The following CRIM1 variants were observed in gnomAD, a reference collection of about 807,000 sequenced individuals.
CRIM1 encodes the protein cysteine rich transmembrane BMP regulator 1.
In CRIM1, 32 loss-of-function variants were observed where a neutral mutation model predicts 116.4. That is an observed-to-expected ratio of 0.27 (90% CI 0.21 to 0.37). The LOEUF is 0.37. Ranked by LOEUF, CRIM1 falls within the 10% of genes least tolerant of loss-of-function variation. CRIM1 has a pLI of 1.00. For missense variants in CRIM1, 1,331 were observed against 1,354.8 expected (o/e 0.98, Z 0.28); for synonymous variants, 590 against 509.2 (o/e 1.16, Z -2.13).
chr2:36,414,264 C>T (rs1673436315), intron 2 of CRIM1, among the ~76,000 whole-genome samples: 1 of 152,172 alleles, frequency 6.6e-6, no homozygotes, highest in African/African-American at 2.4e-5. Flanking sequence ...AAATTAAATG[C>T]AGCTCTCAAA....
chr2:36,445,505 T>C lies in CRIM1; in HGVS notation c.869+2770T>C, dbSNP rs1248438552. 3.9e-5 allele frequency among the ~76,000 whole-genome samples: 6 copies of C among 152,364 alleles called. No homozygotes were observed. The East Asian group carries it at 9.6e-4, about 24-fold the overall frequency. On this transcript the variant is annotated intron_variant, in intron 4 of 16. Coordinates refer to ENST00000280527, the MANE Select transcript of CRIM1 (RefSeq NM_016441.3). Reference sequence around the variant, plus strand: ...CCTTTCCTATGCTGTCAGTTAATTATCGACTTTCATACATTGTTACTGAAT... The same window carrying C: ...CCTTTCCTATGCTGTCAGTTAATTACCGACTTTCATACATTGTTACTGAAT...
rs1667619271 is a variant in CRIM1 at position 36,549,795 on chromosome 2, CTT to C, written c.*1095_*1096del. On this transcript the variant is annotated 3_prime_UTR_variant, in exon 17 of 17. Coordinates refer to ENST00000280527, the MANE Select transcript of CRIM1 (RefSeq NM_016441.3). ...ATTATAGGAGTATTTATGTAACTAT[CTT>C]ATGCTTCAAAAAACAAAAGTATTTG... is the stretch of plus-strand genomic sequence containing the variant. 6.6e-6 allele frequency: 1 copy of C among 151,770 alleles called. No homozygotes were observed. Among genetic ancestry groups the C allele is most frequent in the African/African-American group, 2.4e-5 (1 of 41,262 alleles). The allele number at this position is 151,770 out of a possible 1,614,324, so 9.4% of individuals were successfully genotyped here. A position where few individuals can be genotyped will look rare whatever the true frequency, so the allele number is the denominator to read the frequency against.
chr2:36,465,397 A>C (rs1677927976), intron 5 of CRIM1, among the ~76,000 whole-genome samples: 1 of 152,220 alleles, frequency 6.6e-6, no homozygotes, highest in South Asian at 2.1e-4. Flanking sequence ...AACAAGTTAC[A>C]TGTCAATAAC....
At chr2:36,416,805 A>G (rs1387156334) in intron 2 of CRIM1, among the ~76,000 whole-genome samples, 2 of 152,198 alleles carry the variant, frequency 1.3e-5, no homozygotes, top group Admixed American at 6.5e-5. Context: ...ACTGGCTCCA[A>G]TTCTTCCTCC....
intron 1 of CRIM1, among the ~76,000 whole-genome samples, chr2:36,362,171 A>G (rs894187771): frequency 6.6e-6 from 1 of 152,114 alleles, no homozygotes; most frequent in Non-Finnish European, 1.5e-5. Context: ...AAAAGTCTAC[A>G]TAATAATATA....
chr2:36,385,770 C>A (rs1232533676), intron 1 of CRIM1, among the ~76,000 whole-genome samples: 1 of 152,132 alleles, frequency 6.6e-6, no homozygotes, highest in African/African-American at 2.4e-5. Context: ...TCCTCATGTC[C>A]CCTGCTGGGT....
intron 13 of CRIM1, among the ~76,000 whole-genome samples, chr2:36,524,224 C>T (rs1036165893): frequency 6.6e-6 from 1 of 152,134 alleles, no homozygotes; most frequent in African/African-American, 2.4e-5. Flanking sequence ...GTACTCTACC[C>T]CTAAGCTTTC....
chr2:36,478,325 T>A (rs1679145111), intron 6 of CRIM1, among the ~76,000 whole-genome samples: 1 of 152,178 alleles, frequency 6.6e-6, no homozygotes, highest in Admixed American at 6.5e-5. Flanking sequence ...TTTTGTTCCC[T>A]ACCTGCCCCC....
At chr2:36,517,617 A>C (rs1665117651) in intron 12 of CRIM1, 75 bp downstream of exon 12, 2 of 1,461,424 alleles carry the variant, frequency 1.4e-6, no homozygotes, top group Non-Finnish European at 1.9e-6. Context: ...TGTGGGACCC[A>C]CAGGGCAGGA....
chr2:36,442,504 T>C, intron 3 of CRIM1, 111 bp from the exon 4 acceptor site: 1 of 1,310,598 alleles, frequency 7.6e-7, no homozygotes, highest in Middle Eastern at 1.9e-4. Context: ...GGACTGGGTT[T>C]GTGGAAGCAA....
At chr2:36,374,616 G>A (rs911227800) in intron 1 of CRIM1, among the ~76,000 whole-genome samples, 2 of 152,124 alleles carry the variant, frequency 1.3e-5, no homozygotes, top group Admixed American at 1.3e-4. Context: ...TGTACTGACT[G>A]CAGTGTTACT....
chr2:36,464,151 T>C (rs1427041822), intron 4 of CRIM1, among the ~76,000 whole-genome samples: 5 of 152,184 alleles, frequency 3.3e-5, no homozygotes, highest in Non-Finnish European at 5.9e-5. Context: ...ACTCACTCTG[T>C]ATTAGCCTGT....
chr2:36,520,215 A>G (rs148828417), intron 12 of CRIM1, among the ~76,000 whole-genome samples: 214 of 152,338 alleles, frequency 1.4e-3, no homozygotes, highest in Admixed American at 2.5e-3. Flanking sequence ...TCCAGGCCTC[A>G]GTGAGAGCCC....
At chr2:36,510,702 T>C (rs1382438058) in intron 9 of CRIM1, among the ~76,000 whole-genome samples, 1 of 152,158 alleles carries the variant, frequency 6.6e-6, no homozygotes, top group Non-Finnish European at 1.5e-5. Context: ...TAATATACTT[T>C]ATTGAGTCAA....
At chr2:36,441,029 G>A (rs909696896) in intron 2 of CRIM1, among the ~76,000 whole-genome samples, 3 of 152,130 alleles carry the variant, frequency 2.0e-5, no homozygotes, top group African/African-American at 4.8e-5. Flanking sequence ...AACACAAGTG[G>A]GTAGGGAGAC....
chr2:36,517,775 T>G (rs1253556117), intron 12 of CRIM1, among the ~76,000 whole-genome samples: 1 of 152,230 alleles, frequency 6.6e-6, no homozygotes, highest in Non-Finnish European at 1.5e-5. Flanking sequence ...AAAAGGAGAC[T>G]GTTGCTCTTG....
chr2:36,509,702 T>C (rs952254960), intron 8 of CRIM1, among the ~76,000 whole-genome samples: 2 of 152,220 alleles, frequency 1.3e-5, no homozygotes, highest in Non-Finnish European at 2.9e-5. Context: ...GTAATAGTTA[T>C]CAGCCTGCTG....
At chr2:36,385,100 T>C (rs1164320730) in intron 1 of CRIM1, among the ~76,000 whole-genome samples, 1 of 143,216 alleles carries the variant, frequency 7.0e-6, no homozygotes. Context: ...AAAAAAAAAA[T>C]CAAAGGTTTG....
chr2:36,388,907 T>G (rs1323527060), intron 1 of CRIM1, among the ~76,000 whole-genome samples: 1 of 152,240 alleles, frequency 6.6e-6, no homozygotes. Flanking sequence ...GGATCAGTAC[T>G]GCTTGTTTTT....
Sources: allele counts gnomAD v4.1 joint callset (sites outside exome capture counted in the v4.1 genomes callset), GRCh38; gene constraint gnomAD v4.1.1; transcripts MANE v1.5; gene names NCBI Gene and HGNC (gene_info 2026-07-23, HGNC 2026-07-21).